The following RBM26 variants were observed in gnomAD, a reference collection of about 807,000 sequenced individuals.
RBM26 encodes the protein RNA binding motif protein 26, also known as RNA-binding protein 26.
In RBM26, 30 loss-of-function variants were observed where a neutral mutation model predicts 123.6. The ratio of observed to expected loss-of-function variants is 0.24; its 90% CI spans 0.18 to 0.33. RBM26 has a LOEUF of 0.33. Ranked by LOEUF, RBM26 falls within the 10% of genes least tolerant of loss-of-function variation. RBM26 has a pLI of 1.00. For missense variants in RBM26, 947 were observed against 1,203.6 expected, an observed-to-expected ratio of 0.79 and a Z score of 3.15; for synonymous variants, 400 against 404.4, an observed-to-expected ratio of 0.99 and a Z score of 0.13.
Position 79,337,163 on chromosome 13 carries a change from C to T in RBM26, c.2672G>A (p.Arg891Lys), listed in dbSNP as rs775846995. The T allele has an allele frequency of 1.2e-6, 2 of 1,614,114 alleles. No homozygotes were observed. Among genetic ancestry groups the T allele is most frequent in the Middle Eastern group, 1.6e-4 (1 of 6,062 alleles). Reference protein sequence around the residue: ...PGHAVVDHRPRALEISAFTES... With the variant: ...PGHAVVDHRPKALEISAFTES... ...CGTAAATGCAGAAATCTCCAATGCC[C>T]TGGGACGGTGATCCACCACAGCATG... Residue 891 changes from arginine (R) to lysine (K), a missense_variant, in exon 19 of 22, where the codon AGG becomes AAG. Around this residue, in one of 5 missense-constraint regions of RBM26, gnomAD observed 164 missense variants for 215.3 expected, o/e 0.76. Coordinates refer to ENST00000438737, the MANE Select transcript of RBM26 (RefSeq NM_001366735.2).
intron 20 of RBM26, among the ~76,000 whole-genome samples, chr13:79,332,246 A>G (rs1261571325): frequency 6.6e-6 from 1 of 152,150 alleles, no homozygotes; most frequent in Non-Finnish European, 1.5e-5. Context: ...GTTCTCCTAC[A>G]TTTTCAGTGT....
Position 79,405,831 on chromosome 13 carries a change from C to T in RBM26, c.-57G>A. The T allele has an allele frequency of 8.6e-7, 1 of 1,162,916 alleles. No individual in the cohort carries two copies. The highest frequency in any genetic ancestry group is 2.9e-5 in the East Asian group (1 of 33,936). 72.0% of individuals were successfully genotyped at this position (1,162,916 alleles called of 1,614,324 possible). ...CCGCCCGCCCAGGTCGCGGCCGCTA[C>T]AGCCGCCGCTGCCCCCGCCCCCTCC... is the stretch of plus-strand genomic sequence containing the variant. On this transcript the variant is annotated 5_prime_UTR_variant, in exon 1 of 22. Coordinates refer to ENST00000438737, the MANE Select transcript of RBM26 (RefSeq NM_001366735.2).
At chr13:79,377,190 C>T (rs2076727402) in intron 3 of RBM26, 189 bp downstream of exon 3, 3 of 496,054 alleles carry the variant, frequency 6.0e-6, no homozygotes, top group South Asian at 3.6e-5. Context: ...GCTTTATATC[C>T]TTTTGCTGAA....
intron 11 of RBM26, among the ~76,000 whole-genome samples, chr13:79,356,613 A>G (rs2074044060): frequency 6.6e-6 from 1 of 152,180 alleles, no homozygotes; most frequent in Non-Finnish European, 1.5e-5. Context: ...TTATAACTAT[A>G]AAGATAATTT....
At chr13:79,343,101 C>T (rs1201498111) in intron 16 of RBM26, among the ~76,000 whole-genome samples, 1 of 151,632 alleles carries the variant, frequency 6.6e-6, no homozygotes, top group African/African-American at 2.4e-5. Flanking sequence ...AGCACACAAC[C>T]AGAAGAAACT....
downstream of RBM26, chr13:79,314,964 C>T: frequency 7.7e-7 from 1 of 1,300,788 alleles, no homozygotes; most frequent in Non-Finnish European, 1.0e-6. Flanking sequence ...AGTCACAAAG[C>T]TAAATTCAGG....
chr13:79,385,748 G>T (rs1211663725), intron 1 of RBM26, among the ~76,000 whole-genome samples: 1 of 152,112 alleles, frequency 6.6e-6, no homozygotes, highest in East Asian at 1.9e-4. Context: ...ATCAGAAGAA[G>T]AATTTATGTG....
At chr13:79,335,500 T>C (rs960194795) in intron 19 of RBM26, among the ~76,000 whole-genome samples, 4 of 152,136 alleles carry the variant, frequency 2.6e-5, no homozygotes, top group East Asian at 1.9e-4. Context: ...CAATTTGTAA[T>C]AGTTAATGGT....
At chr13:79,373,428 TAA>T (rs10660712) in intron 3 of RBM26, among the ~76,000 whole-genome samples, 34,732 of 55,942 alleles carry the variant, frequency 0.62, 8,144 homozygotes, top group Admixed American at 0.66. Flanking sequence ...AAATAAAATA[TAA>T]ATATATATTA....
intron 1 of RBM26, among the ~76,000 whole-genome samples, chr13:79,400,363 T>G (rs2078958137): frequency 6.6e-6 from 1 of 152,202 alleles, no homozygotes; most frequent in Non-Finnish European, 1.5e-5. Flanking sequence ...CCTTGAACAC[T>G]GCATCCTCCG....
At chr13:79,385,086 G>A (rs183093701) in intron 1 of RBM26, among the ~76,000 whole-genome samples, 4 of 152,206 alleles carry the variant, frequency 2.6e-5, no homozygotes, top group East Asian at 1.9e-4. Context: ...ATGCACCCAC[G>A]TCTGTTCTTT....
chr13:79,343,596 A>C (rs908560285), intron 16 of RBM26, among the ~76,000 whole-genome samples: 3 of 151,904 alleles, frequency 2.0e-5, no homozygotes, highest in Admixed American at 2.0e-4. Flanking sequence ...TAAATGTCAT[A>C]AATTAGAGTA....
At chr13:79,395,509 T>C (rs1275502754) in intron 1 of RBM26, among the ~76,000 whole-genome samples, 34 of 152,188 alleles carry the variant, frequency 2.2e-4, no homozygotes, top group Non-Finnish European at 2.9e-5. Context: ...GGAAGCTGAA[T>C]TGGGAGGATT....
chr13:79,367,406 C>CAAAAAAAAAAAAAAAAAAAA lies in RBM26; in HGVS notation c.896-554_896-535dup, dbSNP rs776345304. On this transcript the variant is annotated intron_variant, in intron 6 of 21. Coordinates refer to ENST00000438737, the MANE Select transcript of RBM26 (RefSeq NM_001366735.2). ...TGGGGTATAGGGGGAGACTCCATCT[C>CAAAAAAAAAAAAAAAAAAAA]AAAAAAAAAAAAAAAAAAAAAAAAA... Among the ~76,000 whole-genome samples, 191 of 39,624 alleles carry CAAAAAAAAAAAAAAAAAAAA rather than the reference C, an allele frequency of 4.8e-3. 16 individuals are homozygous for CAAAAAAAAAAAAAAAAAAAA. Among genetic ancestry groups the CAAAAAAAAAAAAAAAAAAAA allele is most frequent in the East Asian group, 9.9e-3 (6 of 604 alleles). The allele number at this position is 39,624 out of a possible 152,430, so 26.0% of individuals were successfully genotyped here. A position where few individuals can be genotyped will look rare whatever the true frequency, so the allele number is the denominator to read the frequency against.
At chr13:79,320,778 C>T (rs1411058472) in intron 21 of RBM26, 68 bp from the exon 22 acceptor site, 9 of 1,328,078 alleles carry the variant, frequency 6.8e-6, no homozygotes, top group East Asian at 2.5e-5. Flanking sequence ...AAAGGTGACA[C>T]TTTTAAATAC....
intron 17 of RBM26, among the ~76,000 whole-genome samples, chr13:79,341,529 C>A (rs1444185133): frequency 6.6e-6 from 1 of 151,618 alleles, no homozygotes; most frequent in African/African-American, 2.4e-5. Flanking sequence ...AAAAAACAAA[C>A]CCTAAAAAAC....
At chr13:79,344,182 A>G (rs575160112) in intron 16 of RBM26, 66 bp downstream of exon 16, 28 of 979,554 alleles carry the variant, frequency 2.9e-5, no homozygotes, top group African/African-American at 8.0e-5. Flanking sequence ...ACTAGGTAGC[A>G]TAAGATTAAG....
chr13:79,314,954 A>G, downstream of RBM26: 1 of 1,296,514 alleles, frequency 7.7e-7, no homozygotes, highest in South Asian at 1.2e-5. Context: ...TTGCTCTTGC[A>G]GTCACAAAGC....
rs571385545 is a variant in RBM26 at position 79,330,481 on chromosome 13, A to G, written c.2820+3863T>C. ...TAAAAATGCAGCCTTTCACAAACTTATCTGACAAGAGAATCTTTTGTTAGG... is the reference window on the plus strand; with the variant it reads ...TAAAAATGCAGCCTTTCACAAACTTGTCTGACAAGAGAATCTTTTGTTAGG... On this transcript the variant is annotated intron_variant, in intron 20 of 21. Transcript: ENST00000438737. Among the ~76,000 whole-genome samples, 28 of 152,336 alleles carry G rather than the reference A, an allele frequency of 1.8e-4. No homozygotes were observed. In the South Asian group the frequency reaches 5.6e-3, roughly 30 times the overall value.
Sources: allele counts gnomAD v4.1 joint callset (sites outside exome capture counted in the v4.1 genomes callset), GRCh38; gene constraint gnomAD v4.1.1; regional missense constraint gnomAD v4.1.1; transcripts MANE v1.5; gene names NCBI Gene and HGNC (gene_info 2026-07-23, HGNC 2026-07-21).